PRKAR1B: variants seen among roughly 807,000 people sequenced by gnomAD.
PRKAR1B encodes the protein protein kinase cAMP-dependent type I regulatory subunit beta.
Under a neutral mutation model 46.5 loss-of-function variants are expected in PRKAR1B, and 22 were observed. That is an observed-to-expected ratio of 0.47 (90% CI 0.34 to 0.68). PRKAR1B has a LOEUF of 0.68. Among genes scored for constraint, PRKAR1B ranks in the 30% least tolerant of loss-of-function variants. PRKAR1B has a pLI of 0.01. For synonymous variants in PRKAR1B, 259 were observed against 217.7 expected (o/e 1.19, Z -1.67); for missense variants, 445 against 535.6 (o/e 0.83, Z 1.67).
intron 5 of PRKAR1B, among the ~76,000 whole-genome samples, chr7:606,527 C>T (rs988334065): frequency 1.3e-5 from 2 of 152,054 alleles, no homozygotes; most frequent in Non-Finnish European, 2.9e-5. Context: ...CTCACTGCAA[C>T]CTCCACCTCC....
intron 2 of PRKAR1B, among the ~76,000 whole-genome samples, chr7:694,263 C>T (rs1394794412): frequency 3.3e-5 from 5 of 151,870 alleles, no homozygotes; most frequent in African/African-American, 9.7e-5. Context: ...CCAGCCTGGG[C>T]GAGAGAGCGA....
At chr7:615,563 T>G (rs1298627562) in intron 4 of PRKAR1B, among the ~76,000 whole-genome samples, 2 of 147,820 alleles carry the variant, frequency 1.4e-5, no homozygotes, top group Non-Finnish European at 3.0e-5. Flanking sequence ...GAAGGCCGGG[T>G]GCGGTGGCTC....
In PRKAR1B at chr7:560,950, C is replaced by T. The variant is rs1396928735; in HGVS notation, c.892-9480G>A. Among the ~76,000 whole-genome samples the T allele has an allele frequency of 6.6e-6, 1 of 152,218 alleles. No individual in the cohort carries two copies. Among genetic ancestry groups the T allele is most frequent in the Non-Finnish European group, 1.5e-5 (1 of 68,048 alleles). On this transcript the variant is annotated intron_variant, in intron 9 of 10. Coordinates refer to ENST00000537384, the MANE Select transcript of PRKAR1B (RefSeq NM_001164760.2). This position sits in a 1 kb window ranked among gnomAD's most constrained non-coding sequence, Gnocchi z 4.2. ...GGCTCACTCCAGTGCCTTTACGTTT[C>T]CTGTGCACACATTTCCTGCCTGTGT...
rs199622718 is a variant in PRKAR1B at position 579,328 on chromosome 7, G to A, written c.819C>T (p.Pro273=). Residue 273 remains proline (P), a synonymous_variant, in exon 9 of 11, where the codon CCC becomes CCT. Transcript: ENST00000537384. ...ERLTVADALE[P]VQFEDGEKIV... Reference sequence around the variant, plus strand: ...TTTTCTCTCCATCTTCAAACTGGACGGGCTCCAGCGCATCCGCCACGGTCA... The same window carrying A: ...TTTTCTCTCCATCTTCAAACTGGACAGGCTCCAGCGCATCCGCCACGGTCA... 4.8e-4 allele frequency: 777 copies of A among 1,614,150 alleles called. 1 individual carries two copies. The highest frequency in any genetic ancestry group is 1.1e-3 in the Admixed American group (65 of 60,034).
At chr7:719,462 A>C (rs1583460692) in intron 1 of PRKAR1B, among the ~76,000 whole-genome samples, 1 of 152,132 alleles carries the variant, frequency 6.6e-6, no homozygotes, top group East Asian at 1.9e-4. Context: ...TACAGGTGTG[A>C]GTCACTGCAT....
chr7:641,422 A>G (rs1168465658), intron 4 of PRKAR1B, among the ~76,000 whole-genome samples: 1 of 152,222 alleles, frequency 6.6e-6, no homozygotes, highest in East Asian at 1.9e-4. Flanking sequence ...CGCATTGTTC[A>G]TAATAGCTCC....
At chr7:643,857 G>A (rs1175350502) in intron 4 of PRKAR1B, among the ~76,000 whole-genome samples, 2 of 152,190 alleles carry the variant, frequency 1.3e-5, no homozygotes. Context: ...AGATGCACAG[G>A]GTTCAGGGTG....
intron 2 of PRKAR1B, among the ~76,000 whole-genome samples, chr7:704,727 C>T (rs1349279846): frequency 6.6e-6 from 1 of 152,008 alleles, no homozygotes; most frequent in Non-Finnish European, 1.5e-5. Flanking sequence ...TAAGATCGCA[C>T]CACTGCACTC....
chr7:606,184 G>T lies in PRKAR1B; in HGVS notation c.549+9C>A. 1.2e-6 allele frequency: 2 copies of T among 1,613,668 alleles called. No individual in the cohort carries two copies. Among genetic ancestry groups the T allele is most frequent in the South Asian group, 1.1e-5 (1 of 90,980 alleles). Reference sequence around the variant, plus strand: ...CGCTATTTTCCAAAGACAAGTTAGCGACACTCACATCCACTTCCCCTTGAT... The same window carrying T: ...CGCTATTTTCCAAAGACAAGTTAGCTACACTCACATCCACTTCCCCTTGAT... On this transcript the variant is annotated intron_variant, in intron 6 of 10. Coordinates refer to ENST00000537384, the MANE Select transcript of PRKAR1B (RefSeq NM_001164760.2).
At chr7:689,121 A>G (rs78703382) in intron 2 of PRKAR1B, among the ~76,000 whole-genome samples, 1 of 120,030 alleles carries the variant, frequency 8.3e-6, no homozygotes, top group African/African-American at 3.7e-5. Context: ...AGAAAAAAAA[A>G]TTTTTTTTTT....
chr7:553,601 G>A (rs1016019083), intron 9 of PRKAR1B, among the ~76,000 whole-genome samples: 1 of 152,216 alleles, frequency 6.6e-6, no homozygotes, highest in African/African-American at 2.4e-5. Context: ...GCGGCCCTCT[G>A]AGAGCAGCTG....
chr7:590,381 C>G (rs1780905742), intron 7 of PRKAR1B, among the ~76,000 whole-genome samples: 1 of 152,238 alleles, frequency 6.6e-6, no homozygotes, highest in African/African-American at 2.4e-5. Flanking sequence ...GGTGCAGCCA[C>G]TGGAATCCTG....
intron 9 of PRKAR1B, among the ~76,000 whole-genome samples, chr7:569,562 C>A (rs539275602): frequency 6.6e-6 from 1 of 152,184 alleles, no homozygotes; most frequent in Admixed American, 6.5e-5. Context: ...AGGGGGCATG[C>A]AGCCCCTCCC....
intron 2 of PRKAR1B, among the ~76,000 whole-genome samples, chr7:709,108 TAAAAAAAAA>T (rs67191707): frequency 1.4e-5 from 1 of 70,208 alleles, no homozygotes; most frequent in African/African-American, 5.9e-5. Context: ...TATTTAATAC[TAAAAAAAAA>T]AAAAAAAAAA....
Position 611,803 on chromosome 7 carries a change from C to T in PRKAR1B, c.441-4351G>A, listed in dbSNP as rs927044574. On this transcript the variant is annotated intron_variant, in intron 4 of 10. Transcript: ENST00000537384. ...ATGGATGGATGGATGGATGGACAGGCGGGTGGATTGAACAGGTGGGTGAGC... is the reference window on the plus strand; with the variant it reads ...ATGGATGGATGGATGGATGGACAGGTGGGTGGATTGAACAGGTGGGTGAGC... Among the ~76,000 whole-genome samples, 568 of 136,366 alleles carry T rather than the reference C, an allele frequency of 4.2e-3. 2 individuals are homozygous for T. The highest frequency in any genetic ancestry group is 0.016 in the African/African-American group (535 of 33,258). The allele number at this position is 136,366 out of a possible 152,430, so 89.5% of individuals were successfully genotyped here.
At chr7:706,606 T>TTC in intron 2 of PRKAR1B, among the ~76,000 whole-genome samples, 1 of 148,170 alleles carries the variant, frequency 6.7e-6, no homozygotes, top group African/African-American at 2.5e-5. Flanking sequence ...TTTTTTTTTT[T>TTC]AGTAGAGACA....
In PRKAR1B at chr7:550,433, G is replaced by C. The variant is rs140518538; in HGVS notation, c.1143C>G (p.Val381=). The change falls in exon 11 of 11, where the codon GTC becomes GTG. Residue 381 remains valine (V), a synonymous_variant. Coordinates refer to ENST00000537384, the MANE Select transcript of PRKAR1B (RefSeq NM_001164760.2). The part of the protein sequence containing the change: ...QRYNSFISLT[V] ...GGCTGCAGGGCGGGAGCTGTGCTCA[G>C]ACGGTGAGGGAGATGAAGCTGTTGT... 13 of 1,587,170 alleles carry C rather than the reference G, an allele frequency of 8.2e-6. No individual in the cohort carries two copies. The African/African-American group carries it at 1.3e-4, about 16-fold the overall frequency.
chr7:624,195 G>A (rs1215283379), intron 4 of PRKAR1B, among the ~76,000 whole-genome samples: 1 of 152,206 alleles, frequency 6.6e-6, no homozygotes, highest in Non-Finnish European at 1.5e-5. Flanking sequence ...CACTTTGGGA[G>A]GCTGAGGCAG....
rs764809726 is a variant in PRKAR1B, at chr7:711,316, G to C, written c.177+13C>G. The C allele has an allele frequency of 9.9e-6, 16 of 1,613,452 alleles. No homozygotes were observed. Among genetic ancestry groups the C allele is most frequent in the African/African-American group, 1.3e-5 (1 of 74,944 alleles). On this transcript the variant is annotated intron_variant, in intron 2 of 10. Coordinates refer to ENST00000537384, the MANE Select transcript of PRKAR1B (RefSeq NM_001164760.2). ...CGTGCGAAGGGAAGCAGCGGGCGGC[G>C]GGGGCCACTCACCTTCTCCAGCTTC...
Sources: allele counts gnomAD v4.1 joint callset (sites outside exome capture counted in the v4.1 genomes callset), GRCh38; gene constraint gnomAD v4.1.1; non-coding constraint Gnocchi (gnomAD v3.1); transcripts MANE v1.5; gene names NCBI Gene and HGNC (gene_info 2026-07-23, HGNC 2026-07-21).